ZC3H12C: variants seen among roughly 807,000 people sequenced by gnomAD.
ZC3H12C encodes the protein zinc finger CCCH-type containing 12C.
In ZC3H12C, 20 loss-of-function variants were observed where a neutral mutation model predicts 76.3. That is an observed-to-expected ratio of 0.26 (90% confidence interval 0.18 to 0.38). The LOEUF (loss-of-function observed/expected upper bound fraction) is 0.38. Among genes scored for constraint, ZC3H12C ranks in the 10% least tolerant of loss-of-function variants. The probability of loss-of-function intolerance (pLI) is 1.00; values close to 1 mark genes in which losing one functional copy is unlikely to be tolerated. For missense variants in ZC3H12C, 874 were observed against 1,086.5 expected (o/e 0.80, Z 2.75); for synonymous variants, 352 against 399.6 (o/e 0.88, Z 1.42).
intron 1 of ZC3H12C, among the ~76,000 whole-genome samples, chr11:110,103,656 A>G (rs1420022302): frequency 6.6e-6 from 1 of 150,814 alleles, no homozygotes; most frequent in Non-Finnish European, 1.5e-5. Context: ...CCCAGGCTGG[A>G]GTGCAGTGGT....
At chr11:110,121,355 C>T (rs1861647863) in intron 1 of ZC3H12C, among the ~76,000 whole-genome samples, 1 of 152,166 alleles carries the variant, frequency 6.6e-6, no homozygotes. Flanking sequence ...ACAAGAATCC[C>T]GGCCCCGTTA....
Position 110,165,998 on chromosome 11 carries a change from T to C in ZC3H12C, c.*261T>C. On this transcript the variant is annotated 3_prime_UTR_variant, in exon 6 of 6. Coordinates refer to ENST00000278590, the MANE Select transcript of ZC3H12C (RefSeq NM_033390.2). Reference sequence around the variant, plus strand: ...TTGGCTGGAAATTTTTCCAGTTTGATTTAATAGATGTATCTGTGATCTTTG... The same window carrying C: ...TTGGCTGGAAATTTTTCCAGTTTGACTTAATAGATGTATCTGTGATCTTTG... 1 of 414,706 alleles carries C rather than the reference T, an allele frequency of 2.4e-6. No homozygotes were observed. Among genetic ancestry groups the C allele is most frequent in the Non-Finnish European group, 4.3e-6 (1 of 232,390 alleles). The allele number at this position is 414,706 out of a possible 1,614,324, so 25.7% of individuals were successfully genotyped here.
chr11:110,132,071 T>C (rs1861876564), intron 1 of ZC3H12C, among the ~76,000 whole-genome samples: 1 of 152,234 alleles, frequency 6.6e-6, no homozygotes, highest in Non-Finnish European at 1.5e-5. Context: ...TACATATTCA[T>C]TATTTTATTT....
chr11:110,114,938 A>T (rs1258957239), intron 1 of ZC3H12C, among the ~76,000 whole-genome samples: 1 of 152,190 alleles, frequency 6.6e-6, no homozygotes, highest in Non-Finnish European at 1.5e-5. Context: ...ACTTTAGGGG[A>T]ATTCTGTGGC....
Position 110,168,943 on chromosome 11 carries a change from A to G in ZC3H12C, c.*3206A>G, listed in dbSNP as rs1363311547. 1 of 152,198 alleles carries G rather than the reference A, an allele frequency of 6.6e-6. No individual in the cohort carries two copies. The highest frequency in any genetic ancestry group is 1.5e-5 in the Non-Finnish European group (1 of 68,024). The allele number at this position is 152,198 out of a possible 1,614,324, so 9.4% of individuals were successfully genotyped here. On this transcript the variant is annotated 3_prime_UTR_variant, in exon 6 of 6. Coordinates refer to ENST00000278590, the MANE Select transcript of ZC3H12C (RefSeq NM_033390.2). ...GAGTATTTTATGTATATCTATATACACAAATATGTATTTGTTATGAGGTAT... is the reference window on the plus strand; with the variant it reads ...GAGTATTTTATGTATATCTATATACGCAAATATGTATTTGTTATGAGGTAT...
Position 110,093,396 on chromosome 11 carries a change from T to A in ZC3H12C, c.-16T>A. 8.4e-7 allele frequency: 1 copy of A among 1,188,430 alleles called. No individual in the cohort carries two copies. Among genetic ancestry groups the A allele is most frequent in the Non-Finnish European group, 1.0e-6 (1 of 959,118 alleles). 73.6% of individuals were successfully genotyped at this position (1,188,430 alleles called of 1,614,324 possible). A position where few individuals can be genotyped will look rare whatever the true frequency, so the allele number is the denominator to read the frequency against. On this transcript the variant is annotated 5_prime_UTR_variant, in exon 1 of 6. Coordinates refer to ENST00000278590, the MANE Select transcript of ZC3H12C (RefSeq NM_033390.2). ...GGGCCCCGCCGCCCGCTCGCCGCTT[T>A]CTCGCGGGGCTGGCTATGCCGGGTG...
rs900474338 is a variant in ZC3H12C at position 110,093,875 on chromosome 11, C to T, written c.21+443C>T. Among the ~76,000 whole-genome samples the T allele has an allele frequency of 7.9e-5, 12 of 152,262 alleles. No homozygotes were observed. The East Asian group carries it at 1.4e-3, about 17-fold the overall frequency. On this transcript the variant is annotated intron_variant, in intron 1 of 5. Coordinates refer to ENST00000278590, the MANE Select transcript of ZC3H12C (RefSeq NM_033390.2). ...TGGGGCGAGACATCTCTTGGCATCTCGGATCCAGCCCTGGCCATTCGCTTA... is the reference window on the plus strand; with the variant it reads ...TGGGGCGAGACATCTCTTGGCATCTTGGATCCAGCCCTGGCCATTCGCTTA...
intron 1 of ZC3H12C, among the ~76,000 whole-genome samples, chr11:110,133,608 G>A (rs1206081074): frequency 6.6e-6 from 1 of 152,020 alleles, no homozygotes; most frequent in Non-Finnish European, 1.5e-5. Flanking sequence ...TTAAAATTGT[G>A]TGCAAATTAC....
At chr11:110,136,008 A>G (rs1005940416) in intron 1 of ZC3H12C, 2 of 152,232 alleles carry the variant, frequency 1.3e-5, no homozygotes, top group African/African-American at 4.8e-5. Context: ...AACCCTGTTC[A>G]TCTCTTAAGA....
chr11:110,159,384 G>A lies in ZC3H12C; in HGVS notation c.1042G>A (p.Gly348Ser), dbSNP rs1193356566. The part of the protein sequence containing the change: ...FIVKLAFESD[G>S]IIVSNDNYRD... ...CGTGAAGCTGGCTTTTGAGTCGGAC[G>A]GTATCATTGTGTCCAATGATAACTA... is the stretch of plus-strand genomic sequence containing the variant. The change falls in exon 4 of 6, where the codon GGT becomes AGT. Residue 348 changes from glycine (G) to serine (S), a missense_variant. Coordinates refer to ENST00000278590, the MANE Select transcript of ZC3H12C (RefSeq NM_033390.2). 5.6e-6 allele frequency: 9 copies of A among 1,613,868 alleles called. No homozygotes were observed. Among genetic ancestry groups the A allele is most frequent in the African/African-American group, 4.0e-5 (3 of 74,904 alleles).
intron 1 of ZC3H12C, among the ~76,000 whole-genome samples, chr11:110,111,416 T>C (rs1262201325): frequency 1.1e-5 from 1 of 88,858 alleles, no homozygotes; most frequent in Non-Finnish European, 2.4e-5. Flanking sequence ...CAACTTTTTT[T>C]GTTATCTCAA....
chr11:110,160,135 G>A (rs1862453583), intron 4 of ZC3H12C, among the ~76,000 whole-genome samples: 2 of 152,264 alleles, frequency 1.3e-5, no homozygotes, highest in South Asian at 4.1e-4. Context: ...CATAAAATAT[G>A]GTATAAAAGA....
At chr11:110,118,075 ATATAT>A (rs533009595) in intron 1 of ZC3H12C, among the ~76,000 whole-genome samples, 767 of 59,640 alleles carry the variant, frequency 0.013, 5 homozygotes, top group African/African-American at 0.052. Context: ...ACACACACAT[ATATAT>A]TATATATATA....
At chr11:110,113,665 CT>C (rs1215612260) in intron 1 of ZC3H12C, among the ~76,000 whole-genome samples, 1 of 152,194 alleles carries the variant, frequency 6.6e-6, no homozygotes, top group Non-Finnish European at 1.5e-5. Flanking sequence ...AGAAATAGCT[CT>C]CTCAGGGACC....
intron 2 of ZC3H12C, among the ~76,000 whole-genome samples, chr11:110,141,625 T>C (rs372142333): frequency 5.6e-4 from 85 of 152,156 alleles, no homozygotes; most frequent in African/African-American, 2.0e-3. Context: ...CAAATGAGAC[T>C]AAAAATTGCC....
At position 110,105,218 on chromosome 11, in the gene ZC3H12C, C is replaced by T. The variant is rs372860770; in HGVS notation, c.21+11786C>T. Among the ~76,000 whole-genome samples, 4 of 152,298 alleles carry T rather than the reference C, an allele frequency of 2.6e-5. No individual in the cohort carries two copies. In the East Asian group the frequency reaches 7.7e-4, roughly 29 times the overall value. Reference sequence around the variant, plus strand: ...AGGCTGTCTCCTCATTGTTGACTTACACTTTTAAAAAATCTTTGGCATCAT... The same window carrying T: ...AGGCTGTCTCCTCATTGTTGACTTATACTTTTAAAAAATCTTTGGCATCAT... On this transcript the variant is annotated intron_variant, in intron 1 of 5. Coordinates refer to ENST00000278590, the MANE Select transcript of ZC3H12C (RefSeq NM_033390.2).
At chr11:110,122,921 G>A (rs1416877610) in intron 1 of ZC3H12C, among the ~76,000 whole-genome samples, 1 of 152,174 alleles carries the variant, frequency 6.6e-6, no homozygotes, top group African/African-American at 2.4e-5. Context: ...CCAGCTAACA[G>A]GCAGGTGGGG....
rs1441316354 is a variant in ZC3H12C, at chr11:110,165,642, C to G, written c.2557C>G (p.Leu853Val). The change falls in exon 6 of 6, where the codon CTT becomes GTT. Residue 853 changes from leucine to valine, a missense_variant. Leu to Val is a conservative substitution (Grantham distance 32). This residue lies in a region of ZC3H12C where 395 missense variants were observed against 434.4 expected (regional missense o/e 0.91). Coordinates refer to ENST00000278590, the MANE Select transcript of ZC3H12C (RefSeq NM_033390.2). ...INLCNIFPPD[L>V]VRIVMKRNPH... ...TTTGTGCAACATCTTCCCCCCTGAC[C>G]TTGTGAGAATTGTCATGAAAAGGAA... 2 of 1,599,172 alleles carry G rather than the reference C, an allele frequency of 1.3e-6. No homozygotes were observed. The highest frequency in any genetic ancestry group is 1.7e-6 in the Non-Finnish European group (2 of 1,172,422).
Position 110,136,694 on chromosome 11 carries a change from GA to G in ZC3H12C, c.59del (p.Asn20ThrfsTer15). 1 of 1,613,726 alleles carries G rather than the reference GA, an allele frequency of 6.2e-7. No homozygotes were observed. Among genetic ancestry groups the G allele is most frequent in the Non-Finnish European group, 8.5e-7 (1 of 1,179,834 alleles). ...EYGVLCIQEY[R>X]KNSKVESSTR... ...GGGGTGCTTTGCATTCAGGAATACAGAAAAAACAGCAAAGTGGAGTCAAGTA... is the reference window on the plus strand; with the variant it reads ...GGGGTGCTTTGCATTCAGGAATACAGAAAAACAGCAAAGTGGAGTCAAGTA... On this transcript the variant is annotated frameshift_variant, in exon 2 of 6. Transcript: ENST00000278590. LOFTEE classifies it high-confidence loss of function.
Sources: gnomAD v4.1 joint callset for allele counts (sites outside exome capture counted in the v4.1 genomes callset) on GRCh38, gnomAD v4.1.1 for gene constraint, gnomAD v4.1.1 regional missense constraint, MANE v1.5 for transcripts, NCBI Gene and HGNC (gene_info 2026-07-23, HGNC 2026-07-21) for gene names.